Variants in CMTM7 observed in about 807,000 individuals in gnomAD.
The protein encoded by CMTM7 is CKLF like MARVEL transmembrane domain containing 7, also known as CKLF-like MARVEL transmembrane domain-containing protein 7.
In CMTM7, 7 loss-of-function variants were observed where a neutral mutation model predicts 19.3. That is an observed-to-expected ratio of 0.36 (90% confidence interval 0.21 to 0.68). CMTM7 has a LOEUF of 0.68. Ranked by LOEUF, CMTM7 falls within the 30% of genes least tolerant of loss-of-function variation. The pLI, the probability that CMTM7 is intolerant of heterozygous loss-of-function variation, is 0.60. For synonymous variants in CMTM7, 87 were observed against 99.3 expected (o/e 0.88, Z 0.74); for missense variants, 193 against 232.6 (o/e 0.83, Z 1.11).
chr3:32,410,256 C>G (rs1481583286), intron 1 of CMTM7, among the ~76,000 whole-genome samples: 2 of 152,226 alleles, frequency 1.3e-5, no homozygotes, highest in Admixed American at 1.3e-4. Flanking sequence ...TAGATCTTCT[C>G]TACCAAGACC....
chr3:32,404,442 T>G (rs1696060718), intron 1 of CMTM7, among the ~76,000 whole-genome samples: 2 of 152,228 alleles, frequency 1.3e-5, no homozygotes, highest in Non-Finnish European at 2.9e-5. Flanking sequence ...ATTACAGGTG[T>G]GAGCCACCGC....
chr3:32,444,157 T>C (rs550586413), intron 2 of CMTM7, among the ~76,000 whole-genome samples: 2 of 152,390 alleles, frequency 1.3e-5, no homozygotes, highest in East Asian at 3.8e-4. Context: ...TTTACTTCTA[T>C]GTTTTCTTCC....
intron 1 of CMTM7, among the ~76,000 whole-genome samples, chr3:32,423,616 G>A (rs1178390674): frequency 2.0e-5 from 3 of 152,152 alleles, no homozygotes; most frequent in South Asian, 2.1e-4. Context: ...AGTTAGCCCC[G>A]TCAGAGCCTC....
intron 1 of CMTM7, among the ~76,000 whole-genome samples, chr3:32,407,207 G>C (rs988805540): frequency 6.6e-6 from 1 of 152,086 alleles, no homozygotes; most frequent in African/African-American, 2.4e-5. Context: ...CCTTCCTTCC[G>C]CTTGCAAACC....
chr3:32,399,876 C>T (rs969151338), intron 1 of CMTM7, among the ~76,000 whole-genome samples: 19 of 152,236 alleles, frequency 1.2e-4, no homozygotes, highest in African/African-American at 4.6e-4. Flanking sequence ...AAGTTATTGG[C>T]TTTATTCCTA....
intron 4 of CMTM7, among the ~76,000 whole-genome samples, chr3:32,453,178 T>C (rs1334764851): frequency 6.6e-6 from 1 of 151,926 alleles, no homozygotes; most frequent in Admixed American, 6.6e-5. Flanking sequence ...CAGTGGTGTG[T>C]ACCCATAGTA....
chr3:32,403,693 G>A (rs1696044292), intron 1 of CMTM7, among the ~76,000 whole-genome samples: 1 of 152,084 alleles, frequency 6.6e-6, no homozygotes, highest in Admixed American at 6.5e-5. Flanking sequence ...ACAATTTGGG[G>A]TCTTTTTTTC....
intron 1 of CMTM7, among the ~76,000 whole-genome samples, chr3:32,429,073 G>A (rs113317646): frequency 1.1e-3 from 163 of 152,264 alleles, no homozygotes; most frequent in African/African-American, 3.4e-3. Context: ...ACCAAAAATC[G>A]TTGTCTACTC....
Position 32,449,446 on chromosome 3 carries a change from G to T in CMTM7, c.334-8G>T, listed in dbSNP as rs965850425. ...CTACCCACTTATTTGCTTTGTTTCT[G>T]CCCCCAGGAACTTCTGCACTATTTA... On this transcript the variant is annotated splice_polypyrimidine_tract_variant and splice_region_variant and intron_variant, in intron 2 of 4. Coordinates refer to ENST00000334983, the MANE Select transcript of CMTM7 (RefSeq NM_138410.4). This position sits in a 1 kb window ranked among gnomAD's most constrained non-coding sequence, Gnocchi z 4.5. 4 of 1,606,900 alleles carry T rather than the reference G, an allele frequency of 2.5e-6. No homozygotes were observed. Among genetic ancestry groups the T allele is most frequent in the African/African-American group, 1.3e-5 (1 of 74,746 alleles).
chr3:32,448,805 G>T (rs1195950688), intron 2 of CMTM7, among the ~76,000 whole-genome samples: 1 of 150,524 alleles, frequency 6.6e-6, no homozygotes, highest in East Asian at 1.9e-4. Context: ...AAGGCAGGAA[G>T]GCTCAGGAGT....
intron 1 of CMTM7, among the ~76,000 whole-genome samples, chr3:32,415,318 A>G (rs573426664): frequency 5.4e-4 from 82 of 152,210 alleles, no homozygotes; most frequent in Non-Finnish European, 1.0e-3. Flanking sequence ...TCTCACTGCC[A>G]TACAGATCAC....
intron 1 of CMTM7, among the ~76,000 whole-genome samples, chr3:32,393,465 G>A (rs1695870001): frequency 6.6e-6 from 1 of 152,206 alleles, no homozygotes; most frequent in Admixed American, 6.5e-5. Flanking sequence ...TGGAAGGGAT[G>A]AGTTTGGTAG....
At chr3:32,437,525 A>G (rs761022719) in intron 1 of CMTM7, among the ~76,000 whole-genome samples, 12 of 152,154 alleles carry the variant, frequency 7.9e-5, no homozygotes, top group Non-Finnish European at 1.3e-4. Context: ...TGAACCCAGA[A>G]GGCAGAGGTT....
intron 4 of CMTM7, among the ~76,000 whole-genome samples, chr3:32,453,334 C>A (rs1314356055): frequency 6.6e-6 from 1 of 152,102 alleles, no homozygotes; most frequent in East Asian, 1.9e-4. Flanking sequence ...AGAAGTAGCA[C>A]TGAGTATCCT....
intron 1 of CMTM7, among the ~76,000 whole-genome samples, chr3:32,428,644 CT>C (rs1246218249): frequency 6.6e-6 from 1 of 152,184 alleles, no homozygotes. Context: ...CCTTTTTCTG[CT>C]TACATAACAT....
chr3:32,394,070 C>G (rs962754829), intron 1 of CMTM7, among the ~76,000 whole-genome samples: 3 of 152,220 alleles, frequency 2.0e-5, no homozygotes, highest in Non-Finnish European at 4.4e-5. Flanking sequence ...GGAGGATTCC[C>G]CATCACTGCT....
At chr3:32,422,113 A>G (rs1469514075) in intron 1 of CMTM7, among the ~76,000 whole-genome samples, 1 of 152,336 alleles carries the variant, frequency 6.6e-6, no homozygotes, top group East Asian at 1.9e-4. Context: ...TTCCTTCCCC[A>G]GGCCCCACAG....
intron 1 of CMTM7, among the ~76,000 whole-genome samples, chr3:32,410,815 C>T (rs1401826988): frequency 1.3e-5 from 2 of 152,286 alleles, no homozygotes; most frequent in Middle Eastern, 6.8e-3. Context: ...ACAACAGAAG[C>T]AAACAGAGAC....
At chr3:32,424,637 GT>G (rs35838426) in intron 1 of CMTM7, among the ~76,000 whole-genome samples, 67,152 of 144,646 alleles carry the variant, frequency 0.46, 15,931 homozygotes, top group Admixed American at 0.56. Context: ...TTGGGGAAAG[GT>G]TTTTTTTTTT....
Sources: allele counts gnomAD v4.1 joint callset (sites outside exome capture counted in the v4.1 genomes callset), GRCh38; gene constraint gnomAD v4.1.1; non-coding constraint Gnocchi (gnomAD v3.1); transcripts MANE v1.5; gene names NCBI Gene and HGNC (gene_info 2026-07-23, HGNC 2026-07-21).